Variants in TBCA observed in about 807,000 individuals in gnomAD.
TBCA encodes tubulin-specific chaperone A.
Under a neutral mutation model 15.8 loss-of-function variants are expected in TBCA, and 6 were observed. That is an observed-to-expected ratio of 0.38 (90% CI 0.21 to 0.75). The LOEUF is 0.75. Ranked by LOEUF, TBCA falls within the 30% of genes least tolerant of loss-of-function variation. TBCA has a pLI of 0.46. For missense variants in TBCA, 90 were observed against 131.2 expected (o/e 0.69, Z 1.53); for synonymous variants, 32 against 42.3 (o/e 0.76, Z 0.94).
chr5:77,749,666 C>T lies in TBCA; in HGVS notation c.53+26539G>A, dbSNP rs976615690. Among the ~76,000 whole-genome samples, 11 of 152,262 alleles carry T rather than the reference C, an allele frequency of 7.2e-5. 2 individuals carry two copies. Among genetic ancestry groups the T allele is most frequent in the African/African-American group, 4.8e-5 (2 of 41,554 alleles). ...GCCAATTTGCCAATATCTCTCAATA[C>T]GTAAAACACACATAGTACCCTTTAA... On this transcript the variant is annotated intron_variant, in intron 1 of 3. Transcript: ENST00000380377.
At chr5:77,703,473 T>C (rs1746072450) in intron 2 of TBCA, among the ~76,000 whole-genome samples, 1 of 152,216 alleles carries the variant, frequency 6.6e-6, no homozygotes. Context: ...ACGTGTTATA[T>C]TGTTTAGCCA....
At chr5:77,743,914 C>A (rs1580122490) in intron 1 of TBCA, among the ~76,000 whole-genome samples, 2 of 152,280 alleles carry the variant, frequency 1.3e-5, no homozygotes, top group East Asian at 3.9e-4. Flanking sequence ...AAAGAACTTA[C>A]ACTCTAGTGG....
chr5:77,764,433 C>A (rs1324857371), intron 1 of TBCA, among the ~76,000 whole-genome samples: 1 of 152,146 alleles, frequency 6.6e-6, no homozygotes, highest in Non-Finnish European at 1.5e-5. Flanking sequence ...TTCAGTTCTA[C>A]ACAACCAGTA....
intron 1 of TBCA, among the ~76,000 whole-genome samples, chr5:77,709,181 CT>C (rs1427195728): frequency 6.6e-6 from 1 of 152,110 alleles, no homozygotes; most frequent in Non-Finnish European, 1.5e-5. Flanking sequence ...TTATGCCAGA[CT>C]TTCCTTGTGC....
intron 1 of TBCA, among the ~76,000 whole-genome samples, chr5:77,770,239 T>C (rs77351553): frequency 0.016 from 2,453 of 152,328 alleles, 28 homozygotes; most frequent in Non-Finnish European, 0.026. Flanking sequence ...CAATTCTGCA[T>C]TTTCTCCTAC....
chr5:77,718,883 C>T (rs1347728625), intron 1 of TBCA, among the ~76,000 whole-genome samples: 1 of 152,170 alleles, frequency 6.6e-6, no homozygotes, highest in East Asian at 1.9e-4. Flanking sequence ...AAATAAATGT[C>T]CTGTCTTCCA....
intron 1 of TBCA, among the ~76,000 whole-genome samples, chr5:77,731,594 T>C (rs1256493058): frequency 1.3e-5 from 2 of 152,220 alleles, no homozygotes; most frequent in Admixed American, 6.5e-5. Context: ...TTCTTACTAA[T>C]GTGTAAGAGC....
At chr5:77,693,523 G>T (rs1481637320) in intron 2 of TBCA, 171 bp from the exon 3 acceptor site, 3 of 830,390 alleles carry the variant, frequency 3.6e-6, no homozygotes, top group Non-Finnish European at 5.6e-6. Flanking sequence ...GAAAGGCCAG[G>T]CACAGTGGCT....
At chr5:77,710,537 T>G (rs561201180) in intron 1 of TBCA, among the ~76,000 whole-genome samples, 2 of 152,118 alleles carry the variant, frequency 1.3e-5, no homozygotes, top group African/African-American at 4.8e-5. Context: ...ACAAAGAATA[T>G]TTGTTTAAAA....
At chr5:77,745,706 G>C (rs887670286) in intron 1 of TBCA, among the ~76,000 whole-genome samples, 1 of 152,182 alleles carries the variant, frequency 6.6e-6, no homozygotes, top group Non-Finnish European at 1.5e-5. Context: ...TGCCTTATAC[G>C]TAGTAGATAT....
At chr5:77,740,938 A>G (rs1339572039) in intron 1 of TBCA, among the ~76,000 whole-genome samples, 4 of 152,230 alleles carry the variant, frequency 2.6e-5, no homozygotes, top group African/African-American at 7.2e-5. Flanking sequence ...TGTTGCATAA[A>G]TAACAGAGAA....
chr5:77,745,880 G>T (rs892473340), intron 1 of TBCA, among the ~76,000 whole-genome samples: 1 of 152,134 alleles, frequency 6.6e-6, no homozygotes, highest in Non-Finnish European at 1.5e-5. Context: ...TATTGGAAAA[G>T]ATTTATCCCT....
At chr5:77,751,381 G>A (rs1747334141) in intron 1 of TBCA, among the ~76,000 whole-genome samples, 1 of 151,810 alleles carries the variant, frequency 6.6e-6, no homozygotes, top group African/African-American at 2.4e-5. Context: ...GTTTCACTAT[G>A]TTGGCCAGGC....
At chr5:77,703,656 A>T (rs565652277) in intron 2 of TBCA, among the ~76,000 whole-genome samples, 1 of 152,100 alleles carries the variant, frequency 6.6e-6, no homozygotes, top group African/African-American at 2.4e-5. Context: ...GGCTCACTGC[A>T]GCCTTGACCT....
At chr5:77,721,062 G>A (rs1373354075) in intron 1 of TBCA, among the ~76,000 whole-genome samples, 1 of 152,156 alleles carries the variant, frequency 6.6e-6, no homozygotes, top group Non-Finnish European at 1.5e-5. Context: ...TTTTAAATGG[G>A]TGAAGAAAAT....
chr5:77,714,504 TTATAAC>T (rs1561268060), intron 1 of TBCA, among the ~76,000 whole-genome samples: 1 of 152,120 alleles, frequency 6.6e-6, no homozygotes, highest in African/African-American at 2.4e-5. Context: ...TAACCTGGAT[TTATAAC>T]TATAATAAAA....
At chr5:77,770,169 C>T (rs895469786) in intron 1 of TBCA, among the ~76,000 whole-genome samples, 10 of 152,160 alleles carry the variant, frequency 6.6e-5, no homozygotes, top group African/African-American at 2.2e-4. Flanking sequence ...ACAAATCCCA[C>T]TTGGAAACTT....
At chr5:77,776,086 G>T (rs1465971315) in intron 1 of TBCA, 119 bp downstream of exon 1, 1 of 1,278,056 alleles carries the variant, frequency 7.8e-7, no homozygotes. Flanking sequence ...CGGAGCCCCG[G>T]GTGCGGCCTG....
intron 1 of TBCA, among the ~76,000 whole-genome samples, chr5:77,769,600 T>C (rs904676891): frequency 6.6e-6 from 1 of 152,066 alleles, no homozygotes; most frequent in African/African-American, 2.4e-5. Flanking sequence ...CCATACACAG[T>C]TGTATATAGG....
Sources: gnomAD v4.1 joint callset for allele counts (sites outside exome capture counted in the v4.1 genomes callset) on GRCh38, gnomAD v4.1.1 for gene constraint, MANE v1.5 for transcripts, NCBI Gene and HGNC (gene_info 2026-07-23, HGNC 2026-07-21) for gene names.